The following YPEL1 variants were observed in gnomAD, a reference collection of about 807,000 sequenced individuals.
YPEL1 encodes the protein yippee like 1.
YPEL1 carries 7 observed loss-of-function variants against 17.3 expected under a neutral mutation model. The ratio of observed to expected loss-of-function variants is 0.40; its 90% CI spans 0.23 to 0.76. The LOEUF (loss-of-function observed/expected upper bound fraction) is 0.76, where lower values mean the gene tolerates loss of function less well. Among genes scored for constraint, YPEL1 ranks in the 30% least tolerant of loss-of-function variants. The probability of loss-of-function intolerance (pLI) is 0.35; values close to 1 mark genes in which losing one functional copy is unlikely to be tolerated. For missense variants in YPEL1, 91 were observed against 155.5 expected (o/e 0.59, Z 2.21); for synonymous variants, 59 against 59.6 (o/e 0.99, Z 0.05).
At chr22:21,720,960 C>G (rs2068276102) in intron 1 of YPEL1, among the ~76,000 whole-genome samples, 1 of 151,140 alleles carries the variant, frequency 6.6e-6, no homozygotes, top group Non-Finnish European at 1.5e-5. Flanking sequence ...AGGTGCACAC[C>G]ACCACACCCA....
At chr22:21,719,256 T>C (rs2068256973) in intron 1 of YPEL1, among the ~76,000 whole-genome samples, 1 of 152,202 alleles carries the variant, frequency 6.6e-6, no homozygotes, top group East Asian at 1.9e-4. Context: ...AACTTGTCAG[T>C]AGCTCATTCA....
intron 1 of YPEL1, among the ~76,000 whole-genome samples, chr22:21,731,538 G>A (rs5999227): frequency 0.88 from 121,887 of 137,860 alleles, 53,725 homozygotes; most frequent in Non-Finnish European, 0.93. Context: ...AGAGAAGGGG[G>A]GAAAAAAAAA....
At chr22:21,725,332 G>A (rs901225261) in intron 1 of YPEL1, among the ~76,000 whole-genome samples, 1 of 150,486 alleles carries the variant, frequency 6.6e-6, no homozygotes, top group African/African-American at 2.5e-5. Flanking sequence ...CCATTCTCCT[G>A]CCTCAGCCTC....
chr22:21,728,454 C>T (rs1040992883), intron 1 of YPEL1, among the ~76,000 whole-genome samples: 2 of 152,218 alleles, frequency 1.3e-5, no homozygotes, highest in African/African-American at 2.4e-5. Flanking sequence ...TCCTACACTG[C>T]TCACCATACA....
chr22:21,730,162 A>G (rs2068374072), intron 1 of YPEL1, among the ~76,000 whole-genome samples: 1 of 152,040 alleles, frequency 6.6e-6, no homozygotes, highest in African/African-American at 2.4e-5. Context: ...AACAAAAGCA[A>G]CAACAACAAC....
chr22:21,713,466 G>C (rs2068190935), intron 1 of YPEL1, among the ~76,000 whole-genome samples: 1 of 152,174 alleles, frequency 6.6e-6, no homozygotes, highest in South Asian at 2.1e-4. Flanking sequence ...CACAGCTACA[G>C]CATGGAGGAA....
intron 1 of YPEL1, among the ~76,000 whole-genome samples, chr22:21,730,009 C>T (rs2068372615): frequency 6.6e-6 from 1 of 151,540 alleles, no homozygotes; most frequent in African/African-American, 2.4e-5. Flanking sequence ...AAAATTAGCT[C>T]GGTGTGGTGG....
intron 1 of YPEL1, among the ~76,000 whole-genome samples, chr22:21,713,117 C>T (rs567517335): frequency 1.2e-4 from 18 of 152,208 alleles, no homozygotes; most frequent in Middle Eastern, 6.8e-3. Flanking sequence ...GGAAAATAAG[C>T]GTTGGTGAGG....
chr22:21,731,525 G>T (rs916082095), intron 1 of YPEL1, among the ~76,000 whole-genome samples: 1 of 147,612 alleles, frequency 6.8e-6, no homozygotes, highest in Non-Finnish European at 1.5e-5. Context: ...CTGTCTTGGG[G>T]CAAGAGAAGG....
chr22:21,719,542 C>A (rs1569063593), intron 1 of YPEL1, among the ~76,000 whole-genome samples: 1 of 152,140 alleles, frequency 6.6e-6, no homozygotes. Context: ...CCAAGTGACT[C>A]AAGTAGAGAG....
At chr22:21,720,011 CA>C (rs112623506) in intron 1 of YPEL1, among the ~76,000 whole-genome samples, 26,471 of 112,766 alleles carry the variant, frequency 0.23, 2,708 homozygotes, top group Middle Eastern at 0.32. Context: ...GACTCCATCT[CA>C]AAAAAAAAAA....
intron 1 of YPEL1, among the ~76,000 whole-genome samples, chr22:21,724,892 T>A (rs186385045): frequency 1.1e-3 from 160 of 151,682 alleles, no homozygotes; most frequent in Non-Finnish European, 1.7e-3. Context: ...GAAAATAAAA[T>A]TTTATTTTAC....
At chr22:21,710,991 A>G (rs2018429679) in intron 1 of YPEL1, 83 bp from the exon 2 acceptor site, 1 of 477,160 alleles carries the variant, frequency 2.1e-6, no homozygotes, top group Admixed American at 3.5e-5. Flanking sequence ...TGTGTTGTGA[A>G]GCAACACGCG....
At chr22:21,731,678 C>G (rs1457126596) in intron 1 of YPEL1, among the ~76,000 whole-genome samples, 1 of 151,998 alleles carries the variant, frequency 6.6e-6, no homozygotes, top group Non-Finnish European at 1.5e-5. Context: ...GGTTTGGCAA[C>G]AGGGATGTCA....
chr22:21,723,203 T>C (rs745872176), intron 1 of YPEL1: 1 of 151,440 alleles, frequency 6.6e-6, no homozygotes, highest in Non-Finnish European at 1.5e-5. Context: ...ATTTAATTAA[T>C]TGTTTTTTTG....
intron 2 of YPEL1, among the ~76,000 whole-genome samples, chr22:21,710,197 C>T (rs1183058005): frequency 6.6e-6 from 1 of 152,190 alleles, no homozygotes; most frequent in Non-Finnish European, 1.5e-5. Context: ...CCGACAAACG[C>T]AGCCACACCC....
chr22:21,730,556 G>A (rs530227806), intron 1 of YPEL1, among the ~76,000 whole-genome samples: 2 of 152,306 alleles, frequency 1.3e-5, no homozygotes, highest in South Asian at 4.1e-4. Context: ...CATAGTACAT[G>A]AAGTCACAGG....
intron 2 of YPEL1, among the ~76,000 whole-genome samples, chr22:21,709,237 C>T (rs1053859462): frequency 2.6e-5 from 4 of 152,156 alleles, no homozygotes; most frequent in African/African-American, 7.2e-5. Flanking sequence ...CTCATTACCT[C>T]ATGTCATTTT....
At chr22:21,711,576 G>T (rs2068166771) in intron 1 of YPEL1, among the ~76,000 whole-genome samples, 1 of 152,176 alleles carries the variant, frequency 6.6e-6, no homozygotes, top group Non-Finnish European at 1.5e-5. Flanking sequence ...AAACCCTTAT[G>T]TATGGTCACA....
Sources: gnomAD v4.1 joint callset for allele counts (sites outside exome capture counted in the v4.1 genomes callset) on GRCh38, gnomAD v4.1.1 for gene constraint, MANE v1.5 for transcripts, NCBI Gene and HGNC (gene_info 2026-07-23, HGNC 2026-07-21) for gene names.